Variants in VWA2 observed in about 807,000 individuals in gnomAD.
The protein encoded by VWA2 is von Willebrand factor A domain containing 2.
In VWA2, 73 loss-of-function variants were observed where a neutral mutation model predicts 70.4. The observed-to-expected ratio is 1.04, with a 90% confidence interval of 0.86 to 1.26. The LOEUF (loss-of-function observed/expected upper bound fraction) is 1.26. Ranked by LOEUF, VWA2 falls within the 50% of genes most tolerant of loss-of-function variation. VWA2 has a pLI of 0.00. For missense variants in VWA2, 1,011 were observed against 998.5 expected, an observed-to-expected ratio of 1.01 and a Z score of -0.17; for synonymous variants, 407 against 423.3, an observed-to-expected ratio of 0.96 and a Z score of 0.47.
chr10:114,282,305 A>G (rs115036328), intron 8 of VWA2, among the ~76,000 whole-genome samples: 1 of 151,770 alleles, frequency 6.6e-6, no homozygotes, highest in South Asian at 2.1e-4. Flanking sequence ...CTCCCAGCCT[A>G]TTTTTTTTAA....
intron 5 of VWA2, among the ~76,000 whole-genome samples, chr10:114,268,576 G>A (rs2530322): frequency 0.39 from 58,881 of 152,098 alleles, 12,803 homozygotes; most frequent in African/African-American, 0.6. Context: ...AGCAGTTACT[G>A]TCACTATTCT....
rs777891947 is a variant in VWA2 at position 114,289,200 on chromosome 10, C to T, written c.1833C>T (p.Gly611=). Residue 611 remains glycine, a synonymous_variant, in exon 12 of 14, where the codon GGC becomes GGT. Transcript: ENST00000392982. ...APYLGGVGSA[G]TALLHIYDKV... ...ACCTAGGTGGGGTGGGCTCAGCCGG[C>T]ACCGCCCTGCTGCACATCTATGACA... The T allele has an allele frequency of 1.4e-5, 22 of 1,613,420 alleles. No homozygotes were observed. The highest frequency in any genetic ancestry group is 1.7e-5 in the Non-Finnish European group (20 of 1,179,752).
At chr10:114,277,279 G>A (rs186181105) in intron 6 of VWA2, among the ~76,000 whole-genome samples, 95 of 143,400 alleles carry the variant, frequency 6.6e-4, no homozygotes, top group Non-Finnish European at 1.1e-3. Flanking sequence ...CACCTCCCAG[G>A]TTCAAGTGGC....
chr10:114,259,830 G>A (rs188423638), intron 4 of VWA2, among the ~76,000 whole-genome samples: 9 of 152,188 alleles, frequency 5.9e-5, no homozygotes, highest in South Asian at 2.1e-4. Flanking sequence ...TCCTGTGTCC[G>A]TCTCCCCAAT....
chr10:114,272,381 T>C (rs537759954), intron 5 of VWA2, among the ~76,000 whole-genome samples: 1 of 152,226 alleles, frequency 6.6e-6, no homozygotes. Flanking sequence ...ACCCAGGATG[T>C]TGAGCTGTAA....
chr10:114,255,382 A>G (rs943763724), intron 4 of VWA2, among the ~76,000 whole-genome samples: 3 of 152,174 alleles, frequency 2.0e-5, no homozygotes, highest in Admixed American at 2.0e-4. Flanking sequence ...AGATCTGGCC[A>G]AAGTCCCAGG....
At chr10:114,254,822 T>C (rs912645943) in intron 3 of VWA2, 93 bp from the exon 4 acceptor site, 32 of 1,537,048 alleles carry the variant, frequency 2.1e-5, no homozygotes, top group Non-Finnish European at 2.7e-5. Flanking sequence ...GACAGCAGCC[T>C]GGCCCACCAC....
chr10:114,261,952 G>T (rs2133330283), intron 5 of VWA2, among the ~76,000 whole-genome samples: 1 of 152,278 alleles, frequency 6.6e-6, no homozygotes, highest in Admixed American at 6.5e-5. Flanking sequence ...CAAAGGTGGG[G>T]GGGCAGGTGC....
At position 114,289,079 on chromosome 10, in the gene VWA2, G is replaced by T; in HGVS notation, c.1712G>T (p.Gly571Val). 2 of 1,614,210 alleles carry T rather than the reference G, an allele frequency of 1.2e-6. No individual in the cohort carries two copies. The highest frequency in any genetic ancestry group is 1.7e-6 in the Non-Finnish European group (2 of 1,180,050). ...GTGAACCCTGACGTGACACAGGTCG[G>T]CCTGGTGGTGTATGGCAGCCAGGTG... ...FEVNPDVTQV[G>V]LVVYGSQVQT... Residue 571 changes from glycine to valine, a missense_variant, in exon 12 of 14, where the codon GGC becomes GTC. By Grantham distance (109) the Gly-to-Val change is moderately radical. Transcript: ENST00000392982.
At position 114,286,209 on chromosome 10, in the gene VWA2, G is replaced by A. The variant is rs1218089194; in HGVS notation, c.1268G>A (p.Gly423Asp). The change falls in exon 11 of 14, where the codon GGC becomes GAC. Residue 423 changes from glycine to aspartate, a missense_variant. Coordinates refer to ENST00000392982, the MANE Select transcript of VWA2 (RefSeq NM_001272046.2). ...IPFRGGPTLT[G>D]SALRQAAERG... Reference sequence around the variant, plus strand: ...TTCCGTGGTGGCCCCACCCTGACGGGCAGTGCCTTGCGGCAGGCGGCAGAG... The same window carrying A: ...TTCCGTGGTGGCCCCACCCTGACGGACAGTGCCTTGCGGCAGGCGGCAGAG... The A allele has an allele frequency of 1.2e-6, 2 of 1,613,948 alleles. No individual in the cohort carries two copies. The highest frequency in any genetic ancestry group is 1.7e-6 in the Non-Finnish European group (2 of 1,179,962).
At chr10:114,272,987 G>C (rs934490053) in intron 6 of VWA2, 53 bp downstream of exon 6, 13 of 1,509,570 alleles carry the variant, frequency 8.6e-6, no homozygotes, top group Non-Finnish European at 1.2e-5. Context: ...CCTGGGGATC[G>C]TGACATGGCC....
At position 114,267,684 on chromosome 10, in the gene VWA2, C is replaced by T. The variant is rs142791389; in HGVS notation, c.372-5056C>T. ...CTCAAATTCCTGACCTCAGGTGATC[C>T]ACCCACCTCGGCCTTCCAAAGTGCT... On this transcript the variant is annotated intron_variant, in intron 5 of 13. Coordinates refer to ENST00000392982, the MANE Select transcript of VWA2 (RefSeq NM_001272046.2). Among the ~76,000 whole-genome samples, 725 of 151,978 alleles carry T rather than the reference C, an allele frequency of 4.8e-3. 4 individuals carry two copies. Among genetic ancestry groups the T allele is most frequent in the African/African-American group, 0.017 (697 of 41,402 alleles).
rs141860499 is a variant in VWA2, at chr10:114,286,307, C to T, written c.1366C>T (p.His456Tyr). Residue 456 changes from histidine to tyrosine, a missense_variant, in exon 11 of 14, where the codon CAC (histidine) becomes TAC (tyrosine). By Grantham distance (83) the His-to-Tyr change is moderately conservative. Transcript: ENST00000392982. ...AGTGGTGGTTTTGCTCACTGAGTCA[C>T]ACTCCGAGGATGAGGTTGCGGGCCC... ...RRVVVLLTESHSEDEVAGPAR... is the reference protein window; with the variant it reads ...RRVVVLLTESYSEDEVAGPAR... 7.0e-3 allele frequency: 11,280 copies of T among 1,611,474 alleles called. 68 individuals are homozygous for T. Among genetic ancestry groups the T allele is most frequent in the Non-Finnish European group, 8.5e-3 (9,975 of 1,178,374 alleles).
intron 6 of VWA2, among the ~76,000 whole-genome samples, chr10:114,273,908 T>C (rs1048042236): frequency 6.6e-6 from 1 of 152,062 alleles, no homozygotes. Context: ...TAAAGTAGGG[T>C]AAGAGGCTAA....
chr10:114,257,267 A>G (rs2037350758), intron 4 of VWA2, among the ~76,000 whole-genome samples: 1 of 152,210 alleles, frequency 6.6e-6, no homozygotes, highest in African/African-American at 2.4e-5. Flanking sequence ...CCAGGCAAGA[A>G]GCGCCAGTTC....
chr10:114,289,107 G>C lies in VWA2; in HGVS notation c.1740G>C (p.Gln580His). ...VGLVVYGSQV[Q>H]TAFGLDTKPT... ...TGGTGGTGTATGGCAGCCAGGTGCA[G>C]ACTGCCTTCGGGCTGGACACCAAAC... Residue 580 changes from glutamine to histidine, a missense_variant, in exon 12 of 14, where the codon CAG becomes CAC. Gln to His is a conservative substitution (Grantham distance 24). Coordinates refer to ENST00000392982, the MANE Select transcript of VWA2 (RefSeq NM_001272046.2). 2.5e-6 allele frequency: 4 copies of C among 1,614,146 alleles called. No individual in the cohort carries two copies. Among genetic ancestry groups the C allele is most frequent in the Non-Finnish European group, 3.4e-6 (4 of 1,180,036 alleles).
intron 8 of VWA2, chr10:114,281,609 C>T: frequency 2.6e-6 from 1 of 383,708 alleles, no homozygotes; most frequent in Non-Finnish European, 3.6e-6. Flanking sequence ...CCTGAGAAGT[C>T]ATTGAGTCCA....
chr10:114,266,745 G>GT lies in VWA2; in HGVS notation c.371+5453dup, dbSNP rs541867727. On this transcript the variant is annotated intron_variant, in intron 5 of 13. Transcript: ENST00000392982. ...TAATCTCATAGTAACACAACCCTGTGTTTACTGTGACTGAATTTTTTGGAC... is the reference window on the plus strand; with the variant it reads ...TAATCTCATAGTAACACAACCCTGTGTTTTACTGTGACTGAATTTTTTGGAC... 4.7e-3 allele frequency among the ~76,000 whole-genome samples: 718 copies of GT among 152,238 alleles called. 3 individuals are homozygous for GT. The highest frequency in any genetic ancestry group is 0.013 in the South Asian group (64 of 4,818).
intron 3 of VWA2, among the ~76,000 whole-genome samples, chr10:114,254,532 A>G (rs1333180613): frequency 6.6e-6 from 1 of 152,070 alleles, no homozygotes; most frequent in Non-Finnish European, 1.5e-5. Flanking sequence ...TGTTACTGCT[A>G]CTGAACTCTT....
Sources: gnomAD v4.1 joint callset for allele counts (sites outside exome capture counted in the v4.1 genomes callset) on GRCh38, gnomAD v4.1.1 for gene constraint, MANE v1.5 for transcripts, NCBI Gene and HGNC (gene_info 2026-07-23, HGNC 2026-07-21) for gene names.